The following DAPK1 variants were observed in gnomAD, a reference collection of about 807,000 sequenced individuals.
DAPK1 encodes the protein death-associated protein kinase 1.
A neutral mutation model predicts 144.9 loss-of-function variants in DAPK1; 56 were observed. The ratio of observed to expected loss-of-function variants is 0.39; its 90% CI spans 0.31 to 0.48. DAPK1 has a LOEUF of 0.48. DAPK1 is among the 20% of genes least tolerant of loss of function. The probability of loss-of-function intolerance (pLI) is 0.95; values close to 1 mark genes in which losing one functional copy is unlikely to be tolerated. For synonymous variants in DAPK1, 690 were observed against 749.0 expected (o/e 0.92, Z 1.29); for missense variants, 1,454 against 1,875.4 (o/e 0.78, Z 4.15).
intron 2 of DAPK1, among the ~76,000 whole-genome samples, chr9:87,518,453 C>T (rs1417766630): frequency 6.6e-6 from 1 of 151,878 alleles, no homozygotes; most frequent in Admixed American, 6.6e-5. Flanking sequence ...AAGGGAAAAC[C>T]TAAGGAAACT....
intron 2 of DAPK1, among the ~76,000 whole-genome samples, chr9:87,584,282 C>T (rs2118845106): frequency 6.6e-6 from 1 of 152,230 alleles, no homozygotes; most frequent in Middle Eastern, 3.4e-3. Context: ...CTCTCTTGAA[C>T]TCATTTCTCT....
intron 2 of DAPK1, among the ~76,000 whole-genome samples, chr9:87,532,986 T>C (rs1825745441): frequency 6.6e-6 from 1 of 152,220 alleles, no homozygotes; most frequent in Non-Finnish European, 1.5e-5. Flanking sequence ...CCACTGTTAA[T>C]TAGGCTTAGT....
chr9:87,683,000 T>TA (rs1381142441), intron 20 of DAPK1, among the ~76,000 whole-genome samples: 1 of 152,090 alleles, frequency 6.6e-6, no homozygotes, highest in East Asian at 1.9e-4. Context: ...GTCAAAACTT[T>TA]AAAAAATTTA....
chr9:87,533,583 A>G (rs1825761918), intron 2 of DAPK1, among the ~76,000 whole-genome samples: 1 of 152,150 alleles, frequency 6.6e-6, no homozygotes, highest in Non-Finnish European at 1.5e-5. Context: ...CCAGTGAGGA[A>G]CCTTTTGACA....
At chr9:87,553,634 C>A (rs1166588759) in intron 2 of DAPK1, 2 of 151,610 alleles carry the variant, frequency 1.3e-5, no homozygotes, top group Non-Finnish European at 2.9e-5. Context: ...TAGCTGGGAT[C>A]ACAGGTGTGT....
At chr9:87,624,174 T>C (rs1829408911) in intron 3 of DAPK1, among the ~76,000 whole-genome samples, 1 of 152,200 alleles carries the variant, frequency 6.6e-6, no homozygotes, top group East Asian at 1.9e-4. Flanking sequence ...CTGGAGCAGA[T>C]GCCTGGGGCT....
chr9:87,608,076 A>G (rs756653972), intron 3 of DAPK1, among the ~76,000 whole-genome samples: 3 of 151,970 alleles, frequency 2.0e-5, no homozygotes, highest in Non-Finnish European at 4.4e-5. Flanking sequence ...TCTCCTGAGA[A>G]CTCTATCAGG....
At chr9:87,600,703 G>C (rs1828485910) in intron 2 of DAPK1, among the ~76,000 whole-genome samples, 1 of 152,202 alleles carries the variant, frequency 6.6e-6, no homozygotes. Flanking sequence ...AGCATGCAAA[G>C]AATTTCTCTT....
intron 2 of DAPK1, among the ~76,000 whole-genome samples, chr9:87,513,613 G>A (rs1172125472): frequency 2.0e-5 from 3 of 152,180 alleles, no homozygotes; most frequent in Non-Finnish European, 2.9e-5. Context: ...TTTGAAAACC[G>A]AGGTTCAGAA....
At chr9:87,534,373 C>T (rs1825797316) in intron 2 of DAPK1, among the ~76,000 whole-genome samples, 1 of 151,808 alleles carries the variant, frequency 6.6e-6, no homozygotes, top group African/African-American at 2.4e-5. Flanking sequence ...CCACACTGGA[C>T]ATTTCATTGG....
At chr9:87,678,683 G>C (rs1402320233) in intron 19 of DAPK1, among the ~76,000 whole-genome samples, 1 of 152,134 alleles carries the variant, frequency 6.6e-6, no homozygotes, top group East Asian at 1.9e-4. Context: ...TTGTAAACAG[G>C]CTTTTCCCCT....
intron 2 of DAPK1, among the ~76,000 whole-genome samples, chr9:87,572,395 T>C (rs1200525850): frequency 6.6e-6 from 1 of 152,196 alleles, no homozygotes; most frequent in Admixed American, 6.5e-5. Flanking sequence ...AATGTGCTTA[T>C]GAGTCACCTG....
At chr9:87,506,358 T>C (rs1382348791) in intron 2 of DAPK1, among the ~76,000 whole-genome samples, 1 of 152,214 alleles carries the variant, frequency 6.6e-6, no homozygotes, top group Non-Finnish European at 1.5e-5. Context: ...GCTCAGAACT[T>C]TCGCAGGCCT....
At chr9:87,556,538 T>C (rs1346473847) in intron 2 of DAPK1, among the ~76,000 whole-genome samples, 6 of 152,030 alleles carry the variant, frequency 3.9e-5, no homozygotes, top group African/African-American at 1.4e-4. Flanking sequence ...GGCCCCATCA[T>C]GCTAATGTCA....
chr9:87,640,490 T>G, intron 8 of DAPK1, 40 bp downstream of exon 8: 1 of 1,601,426 alleles, frequency 6.2e-7, no homozygotes, highest in Non-Finnish European at 8.5e-7. Context: ...GGCCACGGCC[T>G]CAGCCAGCCC....
intron 2 of DAPK1, among the ~76,000 whole-genome samples, chr9:87,543,096 G>C (rs1260481362): frequency 6.6e-6 from 1 of 152,184 alleles, no homozygotes; most frequent in African/African-American, 2.4e-5. Flanking sequence ...ATGTTGTATA[G>C]AGCAAGTTAG....
intron 2 of DAPK1, among the ~76,000 whole-genome samples, chr9:87,566,020 C>CTTTTTTT (rs11354174): frequency 8.3e-6 from 1 of 120,638 alleles, no homozygotes; most frequent in African/African-American, 3.2e-5. Flanking sequence ...TCTCAGCATT[C>CTTTTTTT]TTTTTTTTTT....
chr9:87,606,511 C>CTCCT (rs150731534), intron 3 of DAPK1, among the ~76,000 whole-genome samples: 4 of 124,604 alleles, frequency 3.2e-5, no homozygotes, highest in East Asian at 2.7e-4. Flanking sequence ...CCCTCCCTCT[C>CTCCT]TCCTTCCTTC....
At chr9:87,590,977 A>G (rs1382191667) in intron 2 of DAPK1, among the ~76,000 whole-genome samples, 1 of 152,236 alleles carries the variant, frequency 6.6e-6, no homozygotes, top group African/African-American at 2.4e-5. Context: ...CATGGAGTTA[A>G]CAAACTGCGT....
Sources: allele counts gnomAD v4.1 joint callset (sites outside exome capture counted in the v4.1 genomes callset), GRCh38; gene constraint gnomAD v4.1.1; transcripts MANE v1.5; gene names NCBI Gene and HGNC (gene_info 2026-07-23, HGNC 2026-07-21).